Variants in KRT26 observed in about 807,000 individuals in gnomAD.
The protein encoded by KRT26 is keratin 26.
In KRT26, 45 loss-of-function variants were observed where a neutral mutation model predicts 46.1. The observed-to-expected ratio is 0.98, with a 90% CI of 0.77 to 1.25. The LOEUF is 1.25. Among genes scored for constraint, KRT26 ranks in the 50% most tolerant of loss-of-function variants. KRT26 has a pLI of 0.00. For missense variants in KRT26, 582 were observed against 560.1 expected, an observed-to-expected ratio of 1.04 and a Z score of -0.39; for synonymous variants, 191 against 209.9, an observed-to-expected ratio of 0.91 and a Z score of 0.78.
intron 2 of KRT26, 120 bp from the exon 3 acceptor site, chr17:40,770,529 C>T: frequency 1.4e-6 from 1 of 691,176 alleles, no homozygotes; most frequent in Non-Finnish European, 2.3e-6. Context: ...AAGCTTCTTG[C>T]AATGGCAAAC....
intron 7 of KRT26, among the ~76,000 whole-genome samples, chr17:40,767,344 C>T (rs928922015): frequency 6.6e-6 from 1 of 152,120 alleles, no homozygotes. Context: ...TAATACATTC[C>T]AGGTAAGAAA....
intron 7 of KRT26, 44 bp downstream of exon 7, chr17:40,767,542 T>C (rs1341756933): frequency 1.8e-6 from 2 of 1,139,800 alleles, no homozygotes; most frequent in South Asian, 1.6e-5. Flanking sequence ...ACACAATTGA[T>C]GGAGTTTAAG....
exon 1 of KRT26, chr17:40,772,053 G>A: frequency 8.1e-6 from 13 of 1,614,138 alleles, no homozygotes; most frequent in South Asian, 1.1e-5. Flanking sequence ...CCACCGGACA[G>A]CCTACCAGAC....
At chr17:40,766,553 T>C (rs1372755990) in exon 8 of KRT26, 3 of 1,613,846 alleles carry the variant, frequency 1.9e-6, no homozygotes, top group Admixed American at 1.7e-5. Flanking sequence ...TCTACTGTAA[T>C]GTTGCTTATT....
exon 3 of KRT26, chr17:40,770,353 C>A: frequency 6.2e-7 from 1 of 1,613,712 alleles, no homozygotes; most frequent in Non-Finnish European, 8.5e-7. Flanking sequence ...CAACACTCTG[C>A]GAAGACCACT....
At chr17:40,767,718 T>C (rs1282051824) in intron 6 of KRT26, 65 bp from the exon 7 acceptor site, 1 of 830,984 alleles carries the variant, frequency 1.2e-6, no homozygotes, top group Non-Finnish European at 2.0e-6. Context: ...TAAATACCTC[T>C]AAATTGGAAA....
chr17:40,770,843 CCTGA>C (rs2038216623), intron 2 of KRT26, among the ~76,000 whole-genome samples: 1 of 152,034 alleles, frequency 6.6e-6, no homozygotes, highest in Non-Finnish European at 1.5e-5. Context: ...AGCCACCATG[CCTGA>C]CTATTTTTTT....
exon 4 of KRT26, chr17:40,770,092 C>G (rs1315467137): frequency 3.1e-6 from 5 of 1,614,060 alleles, no homozygotes; most frequent in Non-Finnish European, 4.2e-6. Flanking sequence ...TTCACGTTCC[C>G]CCCAGCTGTA....
At chr17:40,769,060 C>T (rs748460814) in exon 6 of KRT26, 12 of 1,613,920 alleles carry the variant, frequency 7.4e-6, no homozygotes, top group South Asian at 1.1e-5. Context: ...CAGTAATTTC[C>T]TTCAGTCTCA....
intron 4 of KRT26, 23 bp from the exon 5 acceptor site, chr17:40,769,902 G>T (rs1244309601): frequency 6.2e-7 from 1 of 1,614,122 alleles, no homozygotes; most frequent in South Asian, 1.1e-5. Flanking sequence ...TGTCGAAAGG[G>T]TTAGTGACTG....
rs764751202 is a variant in KRT26, at chr17:40,769,114, T to G, written c.970-18A>C. ...GAATGTTTCTGAAAGAAAAGCAAAG[T>G]GAAGCTTGAATGTGTAAAAGAGAAA... On this transcript the variant is annotated intron_variant, in intron 5 of 7. Coordinates refer to ENST00000335552, the Ensembl canonical transcript of KRT26. The G allele has an allele frequency of 6.5e-7, 1 of 1,530,780 alleles. No individual in the cohort carries two copies. The highest frequency in any genetic ancestry group is 1.7e-5 in the Admixed American group (1 of 59,680). The allele number at this position is 1,530,780 out of a possible 1,614,324, so 94.8% of individuals were successfully genotyped here.
chr17:40,767,717 C>G, intron 6 of KRT26, 64 bp from the exon 7 acceptor site: 1 of 832,928 alleles, frequency 1.2e-6, no homozygotes, highest in Non-Finnish European at 2.0e-6. Flanking sequence ...ATAAATACCT[C>G]TAAATTGGAA....
At chr17:40,769,226 T>G in intron 5 of KRT26, 130 bp from the exon 6 acceptor site, 1 of 588,206 alleles carries the variant, frequency 1.7e-6, no homozygotes. Flanking sequence ...GGCATGATCT[T>G]GGCTCACTGC....
chr17:40,766,464 CTT>C (rs762936383), exon 8 of KRT26: 219 of 1,362,972 alleles, frequency 1.6e-4, no homozygotes, highest in Admixed American at 5.8e-4. Flanking sequence ...TTCTTTCTTT[CTT>C]TCTCTCTCTC....
chr17:40,771,677 C>T (rs777400891), exon 1 of KRT26: 1 of 1,605,736 alleles, frequency 6.2e-7, no homozygotes, highest in South Asian at 1.1e-5. Context: ...TCTTACCTGC[C>T]TTTTAAGATC....
chr17:40,769,104 A>G lies in KRT26; in HGVS notation c.970-8T>C. 1 of 1,585,972 alleles carries G rather than the reference A, an allele frequency of 6.3e-7. No individual in the cohort carries two copies. Among genetic ancestry groups the G allele is most frequent in the Non-Finnish European group, 8.7e-7 (1 of 1,155,310 alleles). On this transcript the variant is annotated splice_polypyrimidine_tract_variant and splice_region_variant and intron_variant, in intron 5 of 7. Coordinates refer to ENST00000335552, the Ensembl canonical transcript of KRT26. ...GCATTCATAGGAATGTTTCTGAAAG[A>G]AAAGCAAAGTGAAGCTTGAATGTGT...
chr17:40,770,060 TG>T lies in KRT26; in HGVS notation c.743del (p.Pro248GlnfsTer5), dbSNP rs1051536298. 5 of 1,614,174 alleles carry T rather than the reference TG, an allele frequency of 3.1e-6. No homozygotes were observed. The highest frequency in any genetic ancestry group is 4.2e-6 in the Non-Finnish European group (5 of 1,180,024). On this transcript the variant is annotated frameshift_variant, in exon 4 of 8. Coordinates refer to ENST00000335552, the Ensembl canonical transcript of KRT26. LOFTEE classifies it high-confidence loss of function. ...TCAACAGGACAGTTAGGTCCACTCC[TG>T]GGGTTGCATTCATCTCCACGTTCAC... is the stretch of plus-strand genomic sequence containing the variant.
chr17:40,771,991 G>T (rs756386729), exon 1 of KRT26: 10 of 1,614,114 alleles, frequency 6.2e-6, no homozygotes, highest in Non-Finnish European at 7.6e-6. Context: ...AAGAAAAGCT[G>T]CTTCTTGCTC....
exon 1 of KRT26, chr17:40,771,724 G>A (rs776132965): frequency 1.4e-5 from 23 of 1,613,988 alleles, no homozygotes; most frequent in African/African-American, 1.2e-4. Flanking sequence ...AGTCATGATC[G>A]TGTTCCCGGG....
Sources: allele counts gnomAD v4.1 joint callset (sites outside exome capture counted in the v4.1 genomes callset), GRCh38; gene constraint gnomAD v4.1.1; transcripts MANE v1.5; gene names NCBI Gene and HGNC (gene_info 2026-07-23, HGNC 2026-07-21).